STK32B: variants seen among roughly 807,000 people sequenced by gnomAD.
STK32B encodes serine/threonine-protein kinase 32B.
Under a neutral mutation model 52.6 loss-of-function variants are expected in STK32B, and 43 were observed. The ratio of observed to expected loss-of-function variants is 0.82; its 90% CI spans 0.64 to 1.05. The LOEUF (loss-of-function observed/expected upper bound fraction) is 1.05. Ranked by LOEUF, STK32B falls within the 50% of genes least tolerant of loss-of-function variation. The probability of loss-of-function intolerance (pLI) is 0.00; values close to 1 mark genes in which losing one functional copy is unlikely to be tolerated. For missense variants in STK32B, 621 were observed against 534.6 expected, an observed-to-expected ratio of 1.16 and a Z score of -1.59; for synonymous variants, 238 against 204.3, an observed-to-expected ratio of 1.17 and a Z score of -1.41.
intron 2 of STK32B, among the ~76,000 whole-genome samples, chr4:5,160,828 G>T (rs1397247555): frequency 6.6e-6 from 1 of 152,194 alleles, no homozygotes; most frequent in East Asian, 1.9e-4. Context: ...AGAGAGGGAG[G>T]CTGGGGTGCT....
the STK32B span, among the ~76,000 whole-genome samples, chr4:5,031,381 T>G: frequency 1.3e-5 from 2 of 152,058 alleles, no homozygotes; most frequent in Admixed American, 6.6e-5. Flanking sequence ...GGGATGACTT[T>G]ATTTAGAGGG....
the STK32B span, among the ~76,000 whole-genome samples, chr4:5,028,425 C>G: frequency 2.0e-5 from 3 of 152,130 alleles, no homozygotes; most frequent in Non-Finnish European, 4.4e-5. Flanking sequence ...TTTCCCTGTC[C>G]CCTTGAAGTT....
intron 1 of STK32B, among the ~76,000 whole-genome samples, chr4:5,089,818 C>A (rs1433073311): frequency 6.6e-6 from 1 of 152,146 alleles, no homozygotes; most frequent in African/African-American, 2.4e-5. Flanking sequence ...GCATTCCCAC[C>A]AACAGTGTAA....
chr4:5,160,899 T>C (rs1242018899), intron 2 of STK32B, among the ~76,000 whole-genome samples: 4 of 152,150 alleles, frequency 2.6e-5, no homozygotes, highest in African/African-American at 9.7e-5. Flanking sequence ...TAACATGACC[T>C]GTGAGCACAG....
intron 11 of STK32B, among the ~76,000 whole-genome samples, chr4:5,491,602 T>G (rs1282983287): frequency 2.0e-5 from 3 of 152,074 alleles, no homozygotes; most frequent in African/African-American, 7.2e-5. Flanking sequence ...ATTTGTCAAT[T>G]TTGGCTTTTG....
At chr4:5,125,270 A>G (rs559466418) in intron 1 of STK32B, among the ~76,000 whole-genome samples, 2 of 152,364 alleles carry the variant, frequency 1.3e-5, no homozygotes, top group Middle Eastern at 3.4e-3. Context: ...TTTCTGACCT[A>G]CAGAACAGTG....
intron 3 of STK32B, among the ~76,000 whole-genome samples, chr4:5,319,730 A>C (rs771156567): frequency 6.6e-6 from 1 of 152,134 alleles, no homozygotes; most frequent in Non-Finnish European, 1.5e-5. Context: ...GTTAGTTCAG[A>C]AGAAAGAGAT....
intron 3 of STK32B, among the ~76,000 whole-genome samples, chr4:5,184,754 T>A (rs1320248160): frequency 6.8e-6 from 1 of 147,590 alleles, no homozygotes; most frequent in Non-Finnish European, 1.5e-5. Flanking sequence ...ACCATAATAA[T>A]GAAAAAAGTT....
chr4:5,289,984 G>T (rs1728791536), intron 3 of STK32B, among the ~76,000 whole-genome samples: 1 of 151,990 alleles, frequency 6.6e-6, no homozygotes. Flanking sequence ...GTACCCAATA[G>T]GTAGTTTTTC....
intron 4 of STK32B, among the ~76,000 whole-genome samples, chr4:5,377,916 T>C (rs993969824): frequency 1.3e-5 from 2 of 152,094 alleles, no homozygotes; most frequent in Non-Finnish European, 2.9e-5. Flanking sequence ...AGTGTGAAAA[T>C]GGACTAATAC....
the STK32B span, among the ~76,000 whole-genome samples, chr4:5,021,931 G>C: frequency 2.6e-5 from 4 of 152,248 alleles, no homozygotes; most frequent in South Asian, 8.3e-4. Context: ...AGGTGCAAGA[G>C]AATCGCCACC....
chr4:5,151,165 C>T (rs1442171606), intron 2 of STK32B, among the ~76,000 whole-genome samples: 3 of 152,148 alleles, frequency 2.0e-5, no homozygotes, highest in Non-Finnish European at 2.9e-5. Context: ...CTTGATGACA[C>T]GCAAATTCAT....
At chr4:5,328,394 G>A (rs1483347957) in intron 3 of STK32B, among the ~76,000 whole-genome samples, 1 of 152,182 alleles carries the variant, frequency 6.6e-6, no homozygotes, top group African/African-American at 2.4e-5. Context: ...ACTGAGAGAT[G>A]TGTGATTCTT....
At chr4:5,426,115 C>T (rs4343675) in intron 6 of STK32B, among the ~76,000 whole-genome samples, 24,064 of 151,992 alleles carry the variant, frequency 0.16, 2,624 homozygotes, top group East Asian at 0.41. Flanking sequence ...GGAATAATTA[C>T]CTAGAAGTGA....
intron 3 of STK32B, among the ~76,000 whole-genome samples, chr4:5,260,458 G>C (rs1009953513): frequency 6.6e-6 from 1 of 152,130 alleles, no homozygotes; most frequent in African/African-American, 2.4e-5. Context: ...GACACAGACA[G>C]GCCCCTCAGG....
At chr4:5,152,266 G>A (rs1254773911) in intron 2 of STK32B, among the ~76,000 whole-genome samples, 1 of 152,214 alleles carries the variant, frequency 6.6e-6, no homozygotes, top group East Asian at 1.9e-4. Flanking sequence ...TGAGATTAAG[G>A]TGAGGCAACT....
intron 2 of STK32B, among the ~76,000 whole-genome samples, chr4:5,154,788 C>G (rs1717661041): frequency 6.6e-6 from 1 of 152,160 alleles, no homozygotes; most frequent in Non-Finnish European, 1.5e-5. Context: ...TAGCTTGGTG[C>G]CCAACATGTG....
the STK32B span, among the ~76,000 whole-genome samples, chr4:5,027,027 C>T: frequency 6.6e-6 from 1 of 152,186 alleles, no homozygotes; most frequent in Non-Finnish European, 1.5e-5. Flanking sequence ...GGTCAGGAGC[C>T]ACTAATCAAG....
At chr4:5,143,014 A>G (rs1027417151) in intron 2 of STK32B, among the ~76,000 whole-genome samples, 4 of 152,214 alleles carry the variant, frequency 2.6e-5, no homozygotes, top group Non-Finnish European at 4.4e-5. Flanking sequence ...GCCTGCCAGC[A>G]TGCCCTGTAA....
Sources: gnomAD v4.1 joint callset for allele counts (sites outside exome capture counted in the v4.1 genomes callset) on GRCh38, gnomAD v4.1.1 for gene constraint, MANE v1.5 for transcripts, NCBI Gene and HGNC (gene_info 2026-07-23, HGNC 2026-07-21) for gene names.